Variants in NFASC observed in about 807,000 individuals in gnomAD.
The protein encoded by NFASC is neurofascin.
A neutral mutation model predicts 147.5 loss-of-function variants in NFASC; 43 were observed. The ratio of observed to expected loss-of-function variants is 0.29; its 90% confidence interval spans 0.23 to 0.38. NFASC has a LOEUF of 0.38. Among genes scored for constraint, NFASC ranks in the 10% least tolerant of loss-of-function variants. NFASC has a pLI of 1.00. For missense variants in NFASC, 1,320 were observed against 1,689.0 expected, an observed-to-expected ratio of 0.78 and a Z score of 3.83; for synonymous variants, 622 against 665.5, an observed-to-expected ratio of 0.93 and a Z score of 1.01.
chr1:204,940,071 A>T (rs567702145), intron 2 of NFASC, among the ~76,000 whole-genome samples: 1 of 152,160 alleles, frequency 6.6e-6, no homozygotes, highest in Non-Finnish European at 1.5e-5. Flanking sequence ...TGTCCTCTTC[A>T]TCCTCTGTCC....
intron 1 of NFASC, among the ~76,000 whole-genome samples, chr1:204,900,257 G>T (rs1016051321): frequency 6.6e-6 from 1 of 152,196 alleles, no homozygotes; most frequent in Non-Finnish European, 1.5e-5. Context: ...GGCTGAGGGG[G>T]ATAAAGGATA....
In NFASC at chr1:204,976,660, T is replaced by G; in HGVS notation, c.1707-11T>G. On this transcript the variant is annotated splice_polypyrimidine_tract_variant and intron_variant, in intron 15 of 29. Coordinates refer to ENST00000339876, the MANE Select transcript of NFASC (RefSeq NM_001005388.3). ...CCCCCTCCTCCCAACCCTTCCTCGGTACCTTTGCAGGATGAAGAAGGAAGA... is the reference window on the plus strand; with the variant it reads ...CCCCCTCCTCCCAACCCTTCCTCGGGACCTTTGCAGGATGAAGAAGGAAGA... 1 of 1,604,812 alleles carries G rather than the reference T, an allele frequency of 6.2e-7. No individual in the cohort carries two copies. Among genetic ancestry groups the G allele is most frequent in the Non-Finnish European group, 8.5e-7 (1 of 1,172,614 alleles).
intron 1 of NFASC, among the ~76,000 whole-genome samples, chr1:204,918,299 C>T (rs939580470): frequency 1.2e-4 from 19 of 152,162 alleles, no homozygotes; most frequent in Non-Finnish European, 2.8e-4. Context: ...ACATGCAGTC[C>T]AGGATGGCTT....
intron 8 of NFASC, among the ~76,000 whole-genome samples, chr1:204,959,842 ACT>A (rs994195513): frequency 1.3e-5 from 2 of 151,900 alleles, no homozygotes; most frequent in Admixed American, 1.3e-4. Context: ...TTCCAGAAAC[ACT>A]CTTCTCTACC....
At position 204,920,651 on chromosome 1, in the gene NFASC, A is replaced by G. The variant is rs936195975; in HGVS notation, c.-180A>G. On this transcript the variant is annotated 5_prime_UTR_variant, in exon 2 of 30. Transcript: ENST00000339876. ...AGACAGGTTGATTGACTTATGTGCA[A>G]TTTGGGACGCTGGAGTTTACCTTCC... The G allele has an allele frequency of 3.9e-6, 5 of 1,288,968 alleles. No homozygotes were observed. Among genetic ancestry groups the G allele is most frequent in the Non-Finnish European group, 5.1e-6 (5 of 988,540 alleles). The allele number at this position is 1,288,968 out of a possible 1,614,324, so 79.8% of individuals were successfully genotyped here.
chr1:204,926,489 T>C (rs1215100104), intron 2 of NFASC, among the ~76,000 whole-genome samples: 11 of 143,838 alleles, frequency 7.6e-5, no homozygotes, highest in African/African-American at 2.1e-4. Context: ...TCTCAGCCCA[T>C]TGCAGCCTCA....
intron 24 of NFASC, among the ~76,000 whole-genome samples, chr1:204,993,101 T>C (rs977559672): frequency 2.6e-5 from 4 of 152,036 alleles, no homozygotes; most frequent in Non-Finnish European, 5.9e-5. Context: ...GAAACTCGGG[T>C]TCCATGTTTC....
rs776480436 is a variant in NFASC, at chr1:204,979,534, C to T, written c.2151C>T (p.Ser717=). 29 of 1,613,558 alleles carry T rather than the reference C, an allele frequency of 1.8e-5. No homozygotes were observed. In the Admixed American group the frequency reaches 3.5e-4, roughly 19 times the overall value. Residue 717 remains serine, a synonymous_variant, in exon 19 of 30, where the codon TCC becomes TCT. Transcript: ENST00000339876. The surrounding 1 kb of genome is among the most constrained non-coding windows in gnomAD (Gnocchi z 6.0). The stretch of plus-strand genomic sequence containing the variant: ...GGAGCAGCCACCCCAGCCTCCCATC[C>T]GAGCGCTACCGAACCAGTGGAGCAC... ...EVGSSHPSLP[S]ERYRTSGAPP...
rs749038685 is a variant in NFASC at position 205,016,337 on chromosome 1, G to C, written c.3521G>C (p.Ser1174Thr). The C allele has an allele frequency of 6.2e-7, 1 of 1,613,838 alleles. No individual in the cohort carries two copies. Among genetic ancestry groups the C allele is most frequent in the Non-Finnish European group, 8.5e-7 (1 of 1,179,868 alleles). ...SDEDNKPLQG[S>T]QTSLDGTIKQ... ...GAGGACAACAAGCCCCTGCAGGGCA[G>C]TCAGACATCTCTGGACGGCACCATC... Residue 1174 changes from serine to threonine, a missense_variant, in exon 30 of 30, where the codon AGT (serine) becomes ACT (threonine). Transcript: ENST00000339876. The surrounding 1 kb of genome is among the most constrained non-coding windows in gnomAD (Gnocchi z 5.1).
At position 205,012,833 on chromosome 1, in the gene NFASC, A is replaced by C; in HGVS notation, c.3458A>C (p.Asp1153Ala). ...EKKDVPLGPEDPKEEDGSFDY... is the reference protein window; with the variant it reads ...EKKDVPLGPEAPKEEDGSFDY... ...AAGGATGTTCCCCTTGGCCCTGAAG[A>C]CCCCAAGGAAGAGGATGGCTCATTT... The change falls in exon 29 of 30, where the codon GAC becomes GCC. Residue 1153 changes from aspartate (D) to alanine (A), a missense_variant. By Grantham distance (126) the Asp-to-Ala change is moderately radical. Around this residue, in one of 3 missense-constraint regions of NFASC, gnomAD observed 167 missense variants for 233.8 expected, o/e 0.71. Transcript: ENST00000339876. 1 of 1,613,746 alleles carries C rather than the reference A, an allele frequency of 6.2e-7. No individual in the cohort carries two copies. The highest frequency in any genetic ancestry group is 8.5e-7 in the Non-Finnish European group (1 of 1,179,720).
At chr1:204,978,620 A>G (rs972548244) in intron 17 of NFASC, among the ~76,000 whole-genome samples, 4 of 152,234 alleles carry the variant, frequency 2.6e-5, no homozygotes, top group Non-Finnish European at 5.9e-5. Context: ...TGTCGTGAGC[A>G]TGGGTCTGAT....
At chr1:204,930,722 G>A (rs1310057072) in intron 2 of NFASC, among the ~76,000 whole-genome samples, 1 of 152,248 alleles carries the variant, frequency 6.6e-6, no homozygotes, top group Non-Finnish European at 1.5e-5. Flanking sequence ...GTGGAGGGGT[G>A]GCCCACTTAG....
rs769720134 is a variant in NFASC at position 204,991,303 on chromosome 1, G to A, written c.2779G>A (p.Ala927Thr). 3.2e-5 allele frequency: 52 copies of A among 1,612,544 alleles called. No individual in the cohort carries two copies. In the Middle Eastern group the frequency reaches 5.0e-4, roughly 15 times the overall value. ...GCTGTGTTCTGAAGCTACTCCAACC[G>A]CAGGTACCGTACCAGCCGCGGAGGT... ...PAPPNEATPT[A>T]APPTLPPTTV... is the part of the protein sequence containing the mutation. The change falls in exon 24 of 30, where the codon GCA (alanine) becomes ACA (threonine). Residue 927 changes from alanine (A) to threonine (T), a missense_variant. This residue lies in a region of NFASC where 981 missense variants were observed against 1,289.5 expected (regional missense o/e 0.76). Transcript: ENST00000339876.
At chr1:204,912,541 T>C in intron 1 of NFASC, among the ~76,000 whole-genome samples, 1 of 151,324 alleles carries the variant, frequency 6.6e-6, no homozygotes, top group East Asian at 2.0e-4. Context: ...TCTAAAACTA[T>C]AAATAATAAT....
intron 3 of NFASC, chr1:204,947,023 A>G: frequency 2.9e-6 from 1 of 349,034 alleles, no homozygotes; most frequent in Non-Finnish European, 5.7e-6. Context: ...AGTACCAGGC[A>G]GTGATAGCCA....
intron 24 of NFASC, among the ~76,000 whole-genome samples, chr1:204,991,556 G>A (rs765616687): frequency 6.6e-5 from 10 of 152,238 alleles, no homozygotes; most frequent in Non-Finnish European, 1.2e-4. Flanking sequence ...CTCAGCAGGG[G>A]TCACACACAC....
chr1:204,966,666 G>T (rs143839934), intron 8 of NFASC, among the ~76,000 whole-genome samples: 2 of 152,182 alleles, frequency 1.3e-5, no homozygotes, highest in Non-Finnish European at 2.9e-5. Flanking sequence ...GTGTGTGCTG[G>T]TGGGACAGAT....
In NFASC at chr1:204,968,714, GC is replaced by G; in HGVS notation, c.819-82del. 2 of 1,300,834 alleles carry G rather than the reference GC, an allele frequency of 1.5e-6. No homozygotes were observed. The highest frequency in any genetic ancestry group is 2.1e-6 in the Non-Finnish European group (2 of 948,564). 80.6% of individuals were successfully genotyped at this position (1,300,834 alleles called of 1,614,324 possible). ...CTCCTGGGCCCAAGTATACTTTTAG[GC>G]CACCTGGGTGTCCCCAGCTGTATAG... On this transcript the variant is annotated intron_variant, in intron 9 of 29. Coordinates refer to ENST00000339876, the MANE Select transcript of NFASC (RefSeq NM_001005388.3). This position sits in a 1 kb window ranked among gnomAD's most constrained non-coding sequence, Gnocchi z 5.4.
intron 1 of NFASC, among the ~76,000 whole-genome samples, chr1:204,903,238 T>C (rs2085055863): frequency 1.3e-5 from 2 of 152,224 alleles, no homozygotes; most frequent in South Asian, 4.1e-4. Flanking sequence ...GTGGCTCTAA[T>C]TGCCTTGTCT....
Sources: allele counts gnomAD v4.1 joint callset (sites outside exome capture counted in the v4.1 genomes callset), GRCh38; gene constraint gnomAD v4.1.1; regional missense constraint gnomAD v4.1.1; non-coding constraint Gnocchi (gnomAD v3.1); transcripts MANE v1.5; gene names NCBI Gene and HGNC (gene_info 2026-07-23, HGNC 2026-07-21).